The following PIEZO2 variants were observed in gnomAD, a reference collection of about 807,000 sequenced individuals.
PIEZO2 encodes piezo type mechanosensitive ion channel component 2.
Under a neutral mutation model 337.3 loss-of-function variants are expected in PIEZO2, and 172 were observed. The observed-to-expected ratio is 0.51, with a 90% confidence interval of 0.45 to 0.58. The LOEUF is 0.58. Among genes scored for constraint, PIEZO2 ranks in the 20% least tolerant of loss-of-function variants. The pLI, the probability that PIEZO2 is intolerant of heterozygous loss-of-function variation, is 0.00. For synonymous variants in PIEZO2, 1,251 were observed against 1,228.5 expected (o/e 1.02, Z -0.38); for missense variants, 3,028 against 3,391.3 (o/e 0.89, Z 2.66).
intron 2 of PIEZO2, among the ~76,000 whole-genome samples, chr18:10,998,244 G>A (rs1006848154): frequency 6.6e-6 from 1 of 152,002 alleles, no homozygotes; most frequent in Admixed American, 6.6e-5. Context: ...GCTAATGTAA[G>A]TTCTTCAGCC....
At chr18:10,808,448 T>C (rs2040069012) in intron 7 of PIEZO2, among the ~76,000 whole-genome samples, 1 of 152,204 alleles carries the variant, frequency 6.6e-6, no homozygotes, top group Non-Finnish European at 1.5e-5. Flanking sequence ...TCTTCAGTTA[T>C]AGAATCTTCA....
chr18:11,035,628 A>G lies in PIEZO2; in HGVS notation c.160+30499T>C, dbSNP rs1416523370. ...GGATCTGCAGGCTAATTATCAGGAA[A>G]TAGAAAAAACAGCAGAGACCTCTAA... On this transcript the variant is annotated intron_variant, in intron 2 of 55. Transcript: ENST00000674853. This position sits in a 1 kb window ranked among gnomAD's most constrained non-coding sequence, Gnocchi z 4.3. 6.6e-6 allele frequency among the ~76,000 whole-genome samples: 1 copy of G among 152,206 alleles called. No homozygotes were observed. The highest frequency in any genetic ancestry group is 1.5e-5 in the Non-Finnish European group (1 of 68,034).
At chr18:11,082,450 T>A (rs1440123600) in intron 1 of PIEZO2, among the ~76,000 whole-genome samples, 1 of 151,994 alleles carries the variant, frequency 6.6e-6, no homozygotes, top group Non-Finnish European at 1.5e-5. Flanking sequence ...CCAGAGTAGC[T>A]GGGACTACAG....
intron 3 of PIEZO2, among the ~76,000 whole-genome samples, chr18:10,963,763 G>A (rs1048863938): frequency 1.3e-5 from 2 of 152,194 alleles, no homozygotes; most frequent in Non-Finnish European, 2.9e-5. Context: ...ACTCTGAAAT[G>A]AAGACGACTG....
At chr18:10,947,236 G>A (rs1022291887) in intron 3 of PIEZO2, among the ~76,000 whole-genome samples, 9 of 152,032 alleles carry the variant, frequency 5.9e-5, no homozygotes, top group African/African-American at 2.2e-4. Flanking sequence ...CTTTTGGGAA[G>A]AGAAAAAGCA....
At chr18:10,995,922 T>C (rs957660163) in intron 2 of PIEZO2, among the ~76,000 whole-genome samples, 1 of 152,174 alleles carries the variant, frequency 6.6e-6, no homozygotes, top group African/African-American at 2.4e-5. Context: ...GAAAAACATG[T>C]GATTGCTATA....
intron 48 of PIEZO2, among the ~76,000 whole-genome samples, chr18:10,690,670 G>A (rs1303577977): frequency 1.3e-5 from 2 of 152,178 alleles, no homozygotes; most frequent in Non-Finnish European, 2.9e-5. Context: ...TTATGCCGTG[G>A]TTTAATTTGC....
intron 16 of PIEZO2, 143 bp from the exon 17 acceptor site, chr18:10,785,100 G>A (rs1367350650): frequency 1.1e-6 from 1 of 880,200 alleles, no homozygotes; most frequent in Non-Finnish European, 1.6e-6. Flanking sequence ...GGTCCAATAT[G>A]GCTTTCGTTT....
At chr18:11,023,162 C>A (rs1489664163) in intron 2 of PIEZO2, among the ~76,000 whole-genome samples, 1 of 152,142 alleles carries the variant, frequency 6.6e-6, no homozygotes, top group African/African-American at 2.4e-5. Flanking sequence ...AGCTTCCACA[C>A]TGTGGAAGGG....
intron 42 of PIEZO2, among the ~76,000 whole-genome samples, chr18:10,704,001 C>A (rs4797463): frequency 0.23 from 34,420 of 151,906 alleles, 3,917 homozygotes; most frequent in South Asian, 0.28. Context: ...GCATTGTGCT[C>A]GACTCTGCAG....
rs1350109782 is a variant in PIEZO2 at position 10,859,048 on chromosome 18, T to A, written c.493-1837A>T. The stretch of plus-strand genomic sequence containing the variant: ...TAACCAGCTAAATATCTCACAGTAA[T>A]GAATGCCCCCTTCAGGGAGGTCGAA... On this transcript the variant is annotated intron_variant, in intron 5 of 55. Transcript: ENST00000674853. The surrounding 1 kb of genome is among the most constrained non-coding windows in gnomAD (Gnocchi z 4.9). Among the ~76,000 whole-genome samples the A allele has an allele frequency of 1.3e-5, 2 of 152,140 alleles. No homozygotes were observed. Among genetic ancestry groups the A allele is most frequent in the Non-Finnish European group, 2.9e-5 (2 of 68,026 alleles).
intron 7 of PIEZO2, among the ~76,000 whole-genome samples, chr18:10,851,530 G>C (rs976257332): frequency 6.6e-6 from 1 of 152,106 alleles, no homozygotes; most frequent in South Asian, 2.1e-4. Flanking sequence ...GAGCAAATAT[G>C]ATGTTATTAC....
chr18:11,083,530 C>A lies in PIEZO2; in HGVS notation c.65-17308G>T, dbSNP rs1021346358. 2.0e-5 allele frequency among the ~76,000 whole-genome samples: 3 copies of A among 152,156 alleles called. No individual in the cohort carries two copies. Among genetic ancestry groups the A allele is most frequent in the Admixed American group, 6.5e-5 (1 of 15,284 alleles). ...GAGAAGCCTGTACACAAAGGGGGAG[C>A]CACTCAGGTGGTGCCAGCCCTGCAG... On this transcript the variant is annotated intron_variant, in intron 1 of 55. Transcript: ENST00000674853. The surrounding 1 kb of genome is among the most constrained non-coding windows in gnomAD (Gnocchi z 4.4).
intron 5 of PIEZO2, among the ~76,000 whole-genome samples, chr18:10,866,314 C>T (rs1171075296): frequency 2.7e-5 from 4 of 149,098 alleles, no homozygotes; most frequent in African/African-American, 9.9e-5. Flanking sequence ...GAGACAGAGT[C>T]CCACTCTGTC....
chr18:10,979,113 G>C lies in PIEZO2; in HGVS notation c.286+422C>G, dbSNP rs2034562978. Among the ~76,000 whole-genome samples the C allele has an allele frequency of 6.6e-6, 1 of 151,614 alleles. No individual in the cohort carries two copies. The highest frequency in any genetic ancestry group is 1.5e-5 in the Non-Finnish European group (1 of 67,886). On this transcript the variant is annotated intron_variant, in intron 3 of 55. Coordinates refer to ENST00000674853, the MANE Select transcript of PIEZO2 (RefSeq NM_001378183.1). The surrounding 1 kb of genome is among the most constrained non-coding windows in gnomAD (Gnocchi z 4.0). ...ATGAGAAATTTTAACATTGTTCTTTGTAATAGGATTAATGTCATAGTCATG... is the reference window on the plus strand; with the variant it reads ...ATGAGAAATTTTAACATTGTTCTTTCTAATAGGATTAATGTCATAGTCATG...
At position 11,032,859 on chromosome 18, in the gene PIEZO2, G is replaced by C. The variant is rs1374814707; in HGVS notation, c.160+33268C>G. 6.6e-6 allele frequency among the ~76,000 whole-genome samples: 1 copy of C among 152,174 alleles called. No individual in the cohort carries two copies. The highest frequency in any genetic ancestry group is 1.5e-5 in the Non-Finnish European group (1 of 68,022). On this transcript the variant is annotated intron_variant, in intron 2 of 55. Coordinates refer to ENST00000674853, the MANE Select transcript of PIEZO2 (RefSeq NM_001378183.1). This position sits in a 1 kb window ranked among gnomAD's most constrained non-coding sequence, Gnocchi z 4.9. Reference sequence around the variant, plus strand: ...TGTTTAAGTAGCCCACCCTAAGCATGTAACAGGCCTAATGAATGGAGTATC... The same window carrying C: ...TGTTTAAGTAGCCCACCCTAAGCATCTAACAGGCCTAATGAATGGAGTATC...
In PIEZO2 at chr18:11,143,625, ACACACACACACACACT is replaced by A. The variant is rs58173347; in HGVS notation, c.64+4884_64+4899del. Among the ~76,000 whole-genome samples the A allele has an allele frequency of 0.11, 15,446 of 139,272 alleles. 1,245 individuals carry two copies. Among genetic ancestry groups the A allele is most frequent in the African/African-American group, 0.27 (9,418 of 35,036 alleles). The allele number at this position is 139,272 out of a possible 152,430, so 91.4% of individuals were successfully genotyped here. ...AACACACACACACACACACACACAC[ACACACACACACACACT>A]CTCTCTCTCTCTCTCTCTCTCTCTC... On this transcript the variant is annotated intron_variant, in intron 1 of 55. Transcript: ENST00000674853. This position sits in a 1 kb window ranked among gnomAD's most constrained non-coding sequence, Gnocchi z 4.9.
At chr18:11,053,132 C>T (rs369599002) in intron 2 of PIEZO2, among the ~76,000 whole-genome samples, 8 of 152,236 alleles carry the variant, frequency 5.3e-5, no homozygotes, top group South Asian at 2.1e-4. Flanking sequence ...CTCCCTTAAA[C>T]GTGTGTTGTG....
At chr18:10,747,229 T>C (rs2143712036) in intron 30 of PIEZO2, among the ~76,000 whole-genome samples, 1 of 152,196 alleles carries the variant, frequency 6.6e-6, no homozygotes, top group Middle Eastern at 3.4e-3. Flanking sequence ...AACATTCTCG[T>C]TTGAGAGATG....
Sources: gnomAD v4.1 joint callset for allele counts (sites outside exome capture counted in the v4.1 genomes callset) on GRCh38, gnomAD v4.1.1 for gene constraint, Gnocchi (gnomAD v3.1) non-coding constraint, MANE v1.5 for transcripts, NCBI Gene and HGNC (gene_info 2026-07-23, HGNC 2026-07-21) for gene names.